SV2C: variants seen among roughly 807,000 people sequenced by gnomAD.
SV2C encodes synaptic vesicle glycoprotein 2C.
A neutral mutation model predicts 79.7 loss-of-function variants in SV2C; 49 were observed. That is an observed-to-expected ratio of 0.61 (90% CI 0.49 to 0.78). The LOEUF is 0.78. SV2C is among the 30% of genes least tolerant of loss of function. The probability of loss-of-function intolerance (pLI) is 0.00; values close to 1 mark genes in which losing one functional copy is unlikely to be tolerated. For missense variants in SV2C, 833 were observed against 912.9 expected (o/e 0.91, Z 1.13); for synonymous variants, 334 against 333.2 (o/e 1.00, Z -0.03).
chr5:76,252,883 A>T (rs1431278934), intron 4 of SV2C, among the ~76,000 whole-genome samples: 1 of 152,386 alleles, frequency 6.6e-6, no homozygotes, highest in Admixed American at 6.5e-5. Context: ...TCATCCATGG[A>T]TACATGAGCC....
chr5:75,854,929 G>A, the SV2C span, among the ~76,000 whole-genome samples: 2 of 152,114 alleles, frequency 1.3e-5, no homozygotes, highest in Middle Eastern at 3.2e-3. Context: ...CCAGCCCCCA[G>A]CTGGATTGCA....
At chr5:75,891,609 T>A in the SV2C span, among the ~76,000 whole-genome samples, 1 of 152,162 alleles carries the variant, frequency 6.6e-6, no homozygotes, top group South Asian at 2.1e-4. Flanking sequence ...TCATCGTTTC[T>A]GATGAATAAT....
chr5:75,998,348 A>T, the SV2C span, among the ~76,000 whole-genome samples: 1 of 45,172 alleles, frequency 2.2e-5, no homozygotes, highest in Non-Finnish European at 6.7e-5. Context: ...TGATAATAAT[A>T]AAAAAAAAGT....
intron 4 of SV2C, among the ~76,000 whole-genome samples, chr5:76,252,911 T>G (rs187439394): frequency 6.6e-6 from 1 of 152,346 alleles, no homozygotes; most frequent in East Asian, 1.9e-4. Flanking sequence ...GAAAAAACCC[T>G]CCACTTCATG....
chr5:75,980,538 C>A, the SV2C span, among the ~76,000 whole-genome samples: 2 of 151,982 alleles, frequency 1.3e-5, no homozygotes, highest in Admixed American at 6.6e-5. Context: ...GCTTCATCCC[C>A]GGGATACAAG....
chr5:75,956,438 C>G, the SV2C span, among the ~76,000 whole-genome samples: 1 of 150,696 alleles, frequency 6.6e-6, no homozygotes, highest in East Asian at 2.0e-4. Flanking sequence ...GGAGATATAC[C>G]TAATGAGAGA....
At chr5:76,245,444 G>C (rs773575789) in intron 4 of SV2C, among the ~76,000 whole-genome samples, 2 of 152,164 alleles carry the variant, frequency 1.3e-5, no homozygotes, top group Non-Finnish European at 2.9e-5. Flanking sequence ...GGAGATGTGA[G>C]CTAAGAAAAC....
At chr5:75,918,829 C>T in the SV2C span, among the ~76,000 whole-genome samples, 3 of 152,216 alleles carry the variant, frequency 2.0e-5, no homozygotes, top group Non-Finnish European at 4.4e-5. Context: ...AAGCATATTT[C>T]CCAAATCCAT....
At chr5:76,351,415 G>T (rs246799) in intron 12 of SV2C, among the ~76,000 whole-genome samples, 132,773 of 151,924 alleles carry the variant, frequency 0.87, 59,310 homozygotes, top group Middle Eastern at 0.95. Flanking sequence ...ACCACTGCAC[G>T]CCAGCCTGGA....
At chr5:76,070,992 G>A in the SV2C span, among the ~76,000 whole-genome samples, 2 of 152,344 alleles carry the variant, frequency 1.3e-5, no homozygotes, top group South Asian at 4.1e-4. Flanking sequence ...GTGAGGCAGA[G>A]GGACAAGATG....
chr5:76,279,293 T>C (rs1385199567), intron 4 of SV2C, among the ~76,000 whole-genome samples: 1 of 152,198 alleles, frequency 6.6e-6, no homozygotes, highest in African/African-American at 2.4e-5. Flanking sequence ...AAAAAGAATG[T>C]ATTTCAGAGA....
At chr5:76,117,652 A>AT (rs1327195572) in intron 1 of SV2C, among the ~76,000 whole-genome samples, 1 of 152,134 alleles carries the variant, frequency 6.6e-6, no homozygotes, top group Non-Finnish European at 1.5e-5. Context: ...ACATGTAGGA[A>AT]TTTTTTCTCT....
chr5:75,875,412 C>T, the SV2C span, among the ~76,000 whole-genome samples: 16,839 of 152,122 alleles, frequency 0.11, 997 homozygotes, highest in East Asian at 0.16. Flanking sequence ...CTTTCTTACA[C>T]TATACACAAA....
At chr5:75,904,506 C>A in the SV2C span, among the ~76,000 whole-genome samples, 2 of 151,956 alleles carry the variant, frequency 1.3e-5, no homozygotes, top group Admixed American at 1.3e-4. Flanking sequence ...GCAAATTGAT[C>A]AGAGCTGTGA....
the SV2C span, among the ~76,000 whole-genome samples, chr5:76,040,763 A>G: frequency 6.6e-6 from 1 of 152,218 alleles, no homozygotes; most frequent in Non-Finnish European, 1.5e-5. Flanking sequence ...GCCCTCATTT[A>G]CAACTCTGTA....
At chr5:76,125,794 A>T (rs1748687040) in intron 1 of SV2C, among the ~76,000 whole-genome samples, 1 of 152,188 alleles carries the variant, frequency 6.6e-6, no homozygotes. Context: ...GCAGTGGCTC[A>T]CACCTGTAAT....
At chr5:76,199,511 G>A (rs1033813191) in intron 3 of SV2C, among the ~76,000 whole-genome samples, 3 of 152,202 alleles carry the variant, frequency 2.0e-5, no homozygotes, top group Admixed American at 2.0e-4. Flanking sequence ...TGTCTCCTTG[G>A]CAGCACTTAC....
chr5:76,316,622 G>A (rs544720449), intron 12 of SV2C, among the ~76,000 whole-genome samples: 7 of 152,240 alleles, frequency 4.6e-5, no homozygotes, highest in South Asian at 2.1e-4. Flanking sequence ...GAGGTAAGCC[G>A]TTTAGCCCTC....
chr5:75,906,978 C>T, the SV2C span, among the ~76,000 whole-genome samples: 9 of 152,174 alleles, frequency 5.9e-5, no homozygotes, highest in East Asian at 5.8e-4. Context: ...ATGTCAAGAG[C>T]GCTGATATTG....
Sources: gnomAD v4.1 joint callset for allele counts (sites outside exome capture counted in the v4.1 genomes callset) on GRCh38, gnomAD v4.1.1 for gene constraint, MANE v1.5 for transcripts, NCBI Gene and HGNC (gene_info 2026-07-23, HGNC 2026-07-21) for gene names.